Variants in ETV6 observed in about 807,000 individuals in gnomAD.
The protein encoded by ETV6 is ETS variant transcription factor 6.
A neutral mutation model predicts 51.1 loss-of-function variants in ETV6; 16 were observed. The ratio of observed to expected loss-of-function variants is 0.31; its 90% CI spans 0.21 to 0.48. The LOEUF is 0.48. Among genes scored for constraint, ETV6 ranks in the 20% least tolerant of loss-of-function variants. The pLI, the probability that ETV6 is intolerant of heterozygous loss-of-function variation, is 0.99. For missense variants in ETV6, 458 were observed against 594.8 expected (o/e 0.77, Z 2.39); for synonymous variants, 240 against 224.1 (o/e 1.07, Z -0.64).
chr12:11,787,611 GGTGA>G (rs889543793), intron 2 of ETV6, among the ~76,000 whole-genome samples: 10 of 151,250 alleles, frequency 6.6e-5, no homozygotes, highest in African/African-American at 2.5e-4. Context: ...TTGTTTTGCA[GGTGA>G]GTAAGGTGGG....
At position 11,894,229 on chromosome 12, in the gene ETV6, G is replaced by A. The variant is rs1947355537; in HGVS notation, c.*3183G>A. 1.3e-5 allele frequency: 3 copies of A among 232,372 alleles called. No individual in the cohort carries two copies. In the South Asian group the frequency reaches 5.4e-4, roughly 42 times the overall value. 14.4% of individuals were successfully genotyped at this position (232,372 alleles called of 1,614,324 possible). ...TTCAACACTAAGTACTAGGGGTGTT[G>A]TCAGGAGACAAATCTGAAGTCAGGA... is the stretch of plus-strand genomic sequence containing the variant. On this transcript the variant is annotated 3_prime_UTR_variant, in exon 8 of 8. Transcript: ENST00000396373.
chr12:11,862,321 CAGTT>C (rs1253714986), intron 4 of ETV6, among the ~76,000 whole-genome samples: 1 of 152,160 alleles, frequency 6.6e-6, no homozygotes, highest in Non-Finnish European at 1.5e-5. Context: ...GCCAGGTACA[CAGTT>C]AGTGGAAAGA....
chr12:11,660,466 G>T (rs1864080496), intron 1 of ETV6, among the ~76,000 whole-genome samples: 2 of 152,062 alleles, frequency 1.3e-5, no homozygotes, highest in African/African-American at 4.8e-5. Flanking sequence ...GGGTGTGGTG[G>T]TAGGTGCCTG....
At chr12:11,739,524 T>C (rs1193358079) in intron 1 of ETV6, among the ~76,000 whole-genome samples, 1 of 152,240 alleles carries the variant, frequency 6.6e-6, no homozygotes, top group Non-Finnish European at 1.5e-5. Context: ...ATAGCTTGGA[T>C]ATGTGAATTT....
At chr12:11,789,933 C>G (rs1421302038) in intron 2 of ETV6, among the ~76,000 whole-genome samples, 1 of 152,170 alleles carries the variant, frequency 6.6e-6, no homozygotes, top group Non-Finnish European at 1.5e-5. Context: ...CTCTTTCAAT[C>G]TGGATATTCA....
intron 2 of ETV6, among the ~76,000 whole-genome samples, chr12:11,759,492 A>G (rs1348581997): frequency 2.0e-5 from 3 of 152,232 alleles, no homozygotes; most frequent in African/African-American, 7.2e-5. Flanking sequence ...CTGAAAGGTT[A>G]TAGCAGACTA....
At chr12:11,802,262 C>T (rs1358879748) in intron 2 of ETV6, among the ~76,000 whole-genome samples, 1 of 152,112 alleles carries the variant, frequency 6.6e-6, no homozygotes, top group African/African-American at 2.4e-5. Context: ...ATGGTATTTT[C>T]CAGGAGCTAA....
chr12:11,753,171 A>G lies in ETV6; in HGVS notation c.163+592A>G, dbSNP rs535553737. The stretch of plus-strand genomic sequence containing the variant: ...GTGCTTGCTTTGCCTCAGCAGCTGC[A>G]GTCTGTAGTGGTTCCACCTTTCTCT... On this transcript the variant is annotated intron_variant, in intron 2 of 7. Transcript: ENST00000396373. Among the ~76,000 whole-genome samples the G allele has an allele frequency of 3.9e-5, 6 of 152,022 alleles. No individual in the cohort carries two copies. The South Asian group carries it at 6.2e-4, about 16-fold the overall frequency.
At chr12:11,673,514 AG>A (rs1205494107) in intron 1 of ETV6, among the ~76,000 whole-genome samples, 3 of 152,242 alleles carry the variant, frequency 2.0e-5, no homozygotes, top group East Asian at 1.9e-4. Flanking sequence ...CAGTAAAGTC[AG>A]GTCTAGACCT....
intron 1 of ETV6, among the ~76,000 whole-genome samples, chr12:11,729,226 T>G (rs1159997422): frequency 6.6e-6 from 1 of 152,218 alleles, no homozygotes; most frequent in Non-Finnish European, 1.5e-5. Context: ...TGGCCAGGTG[T>G]GCCAGTTCGT....
chr12:11,660,980 T>A (rs111357339), intron 1 of ETV6, among the ~76,000 whole-genome samples: 4,440 of 152,310 alleles, frequency 0.029, 235 homozygotes, highest in African/African-American at 0.1. Flanking sequence ...GGATCCGTGG[T>A]GCATTTTGTA....
intron 1 of ETV6, among the ~76,000 whole-genome samples, chr12:11,659,341 T>G (rs988539916): frequency 6.6e-6 from 1 of 152,184 alleles, no homozygotes; most frequent in Non-Finnish European, 1.5e-5. Context: ...AAATAACCCT[T>G]TTTTGAGGAA....
chr12:11,809,976 C>T (rs1945889925), intron 2 of ETV6, among the ~76,000 whole-genome samples: 1 of 151,932 alleles, frequency 6.6e-6, no homozygotes, highest in Non-Finnish European at 1.5e-5. Flanking sequence ...CGCACCACAA[C>T]GCCCAGCTAA....
chr12:11,744,179 G>T (rs914090843), intron 1 of ETV6, among the ~76,000 whole-genome samples: 2 of 152,214 alleles, frequency 1.3e-5, no homozygotes, highest in Non-Finnish European at 2.9e-5. Flanking sequence ...GAGAAGCGCT[G>T]TCTAATGGTG....
chr12:11,789,796 C>T (rs934709412), intron 2 of ETV6, among the ~76,000 whole-genome samples: 8 of 152,176 alleles, frequency 5.3e-5, no homozygotes, highest in East Asian at 1.9e-4. Flanking sequence ...CATGCCATTC[C>T]GATCTTTAAT....
At chr12:11,716,384 A>G (rs1292797202) in intron 1 of ETV6, among the ~76,000 whole-genome samples, 4 of 151,110 alleles carry the variant, frequency 2.6e-5, no homozygotes, top group Non-Finnish European at 5.9e-5. Flanking sequence ...CGAATATGTG[A>G]AGATCAGGGC....
At chr12:11,871,920 CAT>C (rs927463403) in intron 5 of ETV6, among the ~76,000 whole-genome samples, 4 of 152,294 alleles carry the variant, frequency 2.6e-5, no homozygotes, top group East Asian at 1.9e-4. Flanking sequence ...TTGGGCAAAA[CAT>C]GTGAATTTCC....
intron 1 of ETV6, among the ~76,000 whole-genome samples, chr12:11,683,012 C>T (rs1210459095): frequency 6.6e-6 from 1 of 152,192 alleles, no homozygotes; most frequent in Non-Finnish European, 1.5e-5. Flanking sequence ...ATTGTTTTTA[C>T]TTAAAGATTC....
chr12:11,833,761 G>A (rs1946276577), intron 2 of ETV6, among the ~76,000 whole-genome samples: 1 of 152,162 alleles, frequency 6.6e-6, no homozygotes, highest in Non-Finnish European at 1.5e-5. Context: ...GCAATCACTT[G>A]CTTACAAGTA....
Sources: allele counts gnomAD v4.1 joint callset (sites outside exome capture counted in the v4.1 genomes callset), GRCh38; gene constraint gnomAD v4.1.1; transcripts MANE v1.5; gene names NCBI Gene and HGNC (gene_info 2026-07-23, HGNC 2026-07-21).